The following SPSB4 variants were observed in gnomAD, a reference collection of about 807,000 sequenced individuals.
The protein encoded by SPSB4 is splA/ryanodine receptor domain and SOCS box containing 4.
SPSB4 carries 21 observed loss-of-function variants against 20.9 expected under a neutral mutation model. The ratio of observed to expected loss-of-function variants is 1.01; its 90% CI spans 0.71 to 1.45. The LOEUF (loss-of-function observed/expected upper bound fraction) is 1.45, where lower values mean the gene tolerates loss of function less well. SPSB4 is among the 40% of genes most tolerant of loss of function. The pLI is 0.00. For synonymous variants in SPSB4, 207 were observed against 183.8 expected, an observed-to-expected ratio of 1.13 and a Z score of -1.02; for missense variants, 399 against 399.2, an observed-to-expected ratio of 1.00 and a Z score of 0.00.
intron 2 of SPSB4, among the ~76,000 whole-genome samples, chr3:141,128,045 AAAG>A (rs1939076202): frequency 6.6e-6 from 1 of 152,192 alleles, no homozygotes; most frequent in African/African-American, 2.4e-5. Context: ...AGGAGAAGAA[AAAG>A]AAGGCTGGTG....
chr3:141,094,435 G>A (rs141610503), intron 2 of SPSB4, among the ~76,000 whole-genome samples: 243 of 152,312 alleles, frequency 1.6e-3, no homozygotes, highest in African/African-American at 5.4e-3. Context: ...GGGGAGATGA[G>A]GCAGTTCCTT....
chr3:141,068,730 A>G (rs1347846634), intron 2 of SPSB4, among the ~76,000 whole-genome samples: 1 of 152,220 alleles, frequency 6.6e-6, no homozygotes, highest in Non-Finnish European at 1.5e-5. Flanking sequence ...AGTGGGAGCT[A>G]CCAGAGCCAA....
intron 2 of SPSB4, among the ~76,000 whole-genome samples, chr3:141,099,837 A>T (rs1686909281): frequency 6.6e-6 from 1 of 152,184 alleles, no homozygotes; most frequent in Non-Finnish European, 1.5e-5. Context: ...ACCTGAGGTC[A>T]GTCAAACAGA....
chr3:141,137,916 C>G (rs1032285458), intron 2 of SPSB4, among the ~76,000 whole-genome samples: 35 of 152,094 alleles, frequency 2.3e-4, no homozygotes, highest in Non-Finnish European at 2.5e-4. Flanking sequence ...ATGGTACCAG[C>G]TCCTCCTTGT....
chr3:141,066,946 G>A (rs987337585), intron 2 of SPSB4, 148 bp downstream of exon 2: 6 of 798,056 alleles, frequency 7.5e-6, no homozygotes, highest in Non-Finnish European at 1.1e-5. Flanking sequence ...ACTCTCTGCT[G>A]GCTTGGTGAT....
intron 1 of SPSB4, among the ~76,000 whole-genome samples, chr3:141,053,537 A>G (rs895939141): frequency 3.3e-5 from 5 of 152,202 alleles, no homozygotes; most frequent in Non-Finnish European, 7.3e-5. Flanking sequence ...TATATGACAA[A>G]CTGTCACATA....
chr3:141,121,597 G>C (rs1391177876), intron 2 of SPSB4, among the ~76,000 whole-genome samples: 1 of 152,144 alleles, frequency 6.6e-6, no homozygotes, highest in Non-Finnish European at 1.5e-5. Context: ...ATTTCTTGGA[G>C]GCTTTGTTCA....
chr3:141,053,575 G>A (rs952879712), intron 1 of SPSB4, among the ~76,000 whole-genome samples: 4 of 151,942 alleles, frequency 2.6e-5, no homozygotes, highest in African/African-American at 9.7e-5. Context: ...ATCACAACAG[G>A]CTCATCTCTT....
At chr3:141,075,853 C>A (rs1437381293) in intron 2 of SPSB4, among the ~76,000 whole-genome samples, 1 of 149,888 alleles carries the variant, frequency 6.7e-6, no homozygotes, top group Non-Finnish European at 1.5e-5. Flanking sequence ...TCGAGACCAC[C>A]CTGTCCAACA....
At chr3:141,052,239 C>G (rs1292029399) in intron 1 of SPSB4, among the ~76,000 whole-genome samples, 1 of 152,168 alleles carries the variant, frequency 6.6e-6, no homozygotes. Context: ...GCGGACAACG[C>G]ACAAAAAACT....
At chr3:141,145,098 C>G (rs1168739753) in intron 2 of SPSB4, among the ~76,000 whole-genome samples, 1 of 151,936 alleles carries the variant, frequency 6.6e-6, no homozygotes, top group Non-Finnish European at 1.5e-5. Flanking sequence ...GCTGGGCTTC[C>G]CCTGTCCAGC....
At chr3:141,088,860 C>T (rs758404754) in intron 2 of SPSB4, among the ~76,000 whole-genome samples, 1 of 152,208 alleles carries the variant, frequency 6.6e-6, no homozygotes, top group Non-Finnish European at 1.5e-5. Flanking sequence ...TCTGCACCCA[C>T]ATCTTTGTCT....
Position 141,066,527 on chromosome 3 carries a change from C to A in SPSB4, c.423C>A (p.Gly141=). ...ALVGSDAESW[G]WDLGRSRLYH... ...TAGGCAGTGACGCCGAGTCGTGGGGCTGGGACCTGGGCCGCAGCCGCCTCT... is the reference window on the plus strand; with the variant it reads ...TAGGCAGTGACGCCGAGTCGTGGGGATGGGACCTGGGCCGCAGCCGCCTCT... Residue 141 remains glycine, a synonymous_variant, in exon 2 of 3, where the codon GGC becomes GGA. Transcript: ENST00000310546. 6.6e-7 allele frequency: 1 copy of A among 1,512,942 alleles called. No homozygotes were observed. The allele number at this position is 1,512,942 out of a possible 1,614,324, so 93.7% of individuals were successfully genotyped here.
rs147031397 is a variant in SPSB4, at chr3:141,082,677, C to A, written c.694+15879C>A. Among the ~76,000 whole-genome samples, 12 of 149,378 alleles carry A rather than the reference C, an allele frequency of 8.0e-5. No homozygotes were observed. In the East Asian group the frequency reaches 2.2e-3, roughly 27 times the overall value. On this transcript the variant is annotated intron_variant, in intron 2 of 2. Coordinates refer to ENST00000310546, the MANE Select transcript of SPSB4 (RefSeq NM_080862.3). ...TATCTATCTATCTTTCCATTAAATC[C>A]TTTTAGCCCCATGTGTGAAGTGTTA...
chr3:141,055,384 G>T (rs1401219601), intron 1 of SPSB4, among the ~76,000 whole-genome samples: 1 of 152,130 alleles, frequency 6.6e-6, no homozygotes, highest in Non-Finnish European at 1.5e-5. Context: ...AGTCTGGCAT[G>T]ACTGGTCTGA....
At chr3:141,101,816 T>G (rs1256660766) in intron 2 of SPSB4, among the ~76,000 whole-genome samples, 3 of 152,248 alleles carry the variant, frequency 2.0e-5, no homozygotes, top group African/African-American at 7.2e-5. Context: ...CATCTTAAAC[T>G]AGTCATAATA....
chr3:141,123,640 T>C (rs1475466602), intron 2 of SPSB4, among the ~76,000 whole-genome samples: 1 of 152,208 alleles, frequency 6.6e-6, no homozygotes, highest in East Asian at 1.9e-4. Flanking sequence ...TGGATGAAAT[T>C]AGCACCAACT....
chr3:141,109,376 T>TA (rs956020585), intron 2 of SPSB4, among the ~76,000 whole-genome samples: 2 of 152,030 alleles, frequency 1.3e-5, no homozygotes, highest in Admixed American at 1.3e-4. Flanking sequence ...CCCCTCATCT[T>TA]ACAGTGGAAA....
intron 2 of SPSB4, among the ~76,000 whole-genome samples, chr3:141,120,641 A>G (rs1295979924): frequency 6.6e-6 from 1 of 152,224 alleles, no homozygotes; most frequent in Non-Finnish European, 1.5e-5. Flanking sequence ...CTTCTTGTTG[A>G]ATCGATCCCT....
Sources: gnomAD v4.1 joint callset for allele counts (sites outside exome capture counted in the v4.1 genomes callset) on GRCh38, gnomAD v4.1.1 for gene constraint, MANE v1.5 for transcripts, NCBI Gene and HGNC (gene_info 2026-07-23, HGNC 2026-07-21) for gene names.